Variants in AGBL1 observed in about 807,000 individuals in gnomAD.
AGBL1 encodes the protein AGBL carboxypeptidase 1.
AGBL1 carries 130 observed loss-of-function variants against 118.9 expected under a neutral mutation model. That is an observed-to-expected ratio of 1.09 (90% CI 0.95 to 1.26). AGBL1 has a LOEUF of 1.26. AGBL1 is among the 50% of genes most tolerant of loss of function. AGBL1 has a pLI of 0.00. For missense variants in AGBL1, 1,584 were observed against 1,298.1 expected, an observed-to-expected ratio of 1.22 and a Z score of -3.38; for synonymous variants, 555 against 478.9, an observed-to-expected ratio of 1.16 and a Z score of -2.08.
At chr15:86,491,810 T>C (rs996927047) in intron 18 of AGBL1, among the ~76,000 whole-genome samples, 3 of 151,432 alleles carry the variant, frequency 2.0e-5, no homozygotes, top group Non-Finnish European at 4.4e-5. Context: ...AGAATATATT[T>C]AGTGATGTTA....
In AGBL1 at chr15:86,950,011, G is replaced by A. The variant is rs28786400; in HGVS notation, c.3222-37976G>A. Reference sequence around the variant, plus strand: ...AATAACAAAAAGTAAATTATCAGCCGTTTGGAAACTAAGATATACTTGTAA... The same window carrying A: ...AATAACAAAAAGTAAATTATCAGCCATTTGGAAACTAAGATATACTTGTAA... On this transcript the variant is annotated intron_variant, in intron 23 of 24. Coordinates refer to the AGBL1 transcript ENST00000441037. Among the ~76,000 whole-genome samples, 1,497 of 152,006 alleles carry A rather than the reference G, an allele frequency of 9.8e-3. 27 individuals are homozygous for A. Among genetic ancestry groups the A allele is most frequent in the African/African-American group, 0.035 (1,435 of 41,506 alleles).
chr15:86,396,696 A>G (rs2081370153), intron 17 of AGBL1, among the ~76,000 whole-genome samples: 1 of 152,016 alleles, frequency 6.6e-6, no homozygotes, highest in African/African-American at 2.4e-5. Flanking sequence ...CACATACTGA[A>G]TGGCAGGCAA....
At chr15:86,388,291 A>G (rs2081227180) in intron 17 of AGBL1, among the ~76,000 whole-genome samples, 2 of 152,166 alleles carry the variant, frequency 1.3e-5, no homozygotes, top group South Asian at 4.1e-4. Context: ...TATTAGCACT[A>G]GCATCTGAAT....
chr15:86,685,702 G>A (rs2086041783), intron 22 of AGBL1, among the ~76,000 whole-genome samples: 1 of 152,096 alleles, frequency 6.6e-6, no homozygotes, highest in African/African-American at 2.4e-5. Context: ...GGAGGTTTAT[G>A]ATGCTAAATG....
At chr15:86,388,962 A>G (rs1427524290) in intron 17 of AGBL1, among the ~76,000 whole-genome samples, 4 of 152,214 alleles carry the variant, frequency 2.6e-5, no homozygotes, top group Non-Finnish European at 1.5e-5. Flanking sequence ...TTACTATGTC[A>G]TATATCTACC....
intron 23 of AGBL1, among the ~76,000 whole-genome samples, chr15:86,976,444 A>G (rs2081177464): frequency 6.6e-6 from 1 of 151,938 alleles, no homozygotes. Flanking sequence ...ACCCCAGTTT[A>G]TTTAACTAAA....
intron 17 of AGBL1, among the ~76,000 whole-genome samples, chr15:86,380,412 G>A (rs2081097941): frequency 2.6e-5 from 4 of 151,182 alleles, no homozygotes; most frequent in Admixed American, 2.6e-4. Context: ...AGCCTCCTGA[G>A]TAGCTGGGAT....
chr15:86,608,844 C>T (rs1441774515), intron 21 of AGBL1, among the ~76,000 whole-genome samples: 1 of 152,138 alleles, frequency 6.6e-6, no homozygotes, highest in Non-Finnish European at 1.5e-5. Flanking sequence ...TGAGTTTGGA[C>T]CCTGTGAGCA....
chr15:86,570,856 G>A (rs1027784847), intron 21 of AGBL1, among the ~76,000 whole-genome samples: 1 of 152,108 alleles, frequency 6.6e-6, no homozygotes, highest in Non-Finnish European at 1.5e-5. Flanking sequence ...CCGCTCACTC[G>A]ACCTGGCAGG....
intron 24 of AGBL1, among the ~76,000 whole-genome samples, chr15:86,996,281 C>T (rs935823005): frequency 4.6e-5 from 7 of 152,154 alleles, no homozygotes; most frequent in African/African-American, 1.7e-4. Flanking sequence ...GCAGATTCTT[C>T]CCAGGAATTC....
At chr15:86,541,115 AG>A (rs2083489010) in intron 19 of AGBL1, among the ~76,000 whole-genome samples, 1 of 152,230 alleles carries the variant, frequency 6.6e-6, no homozygotes. Context: ...GTTTATTCAC[AG>A]AGAGAAACTA....
intron 18 of AGBL1, among the ~76,000 whole-genome samples, chr15:86,505,647 T>G (rs1253590611): frequency 6.6e-6 from 1 of 152,020 alleles, no homozygotes. Context: ...ATAGTTTCTA[T>G]TTGCTGAGAC....
intron 21 of AGBL1, among the ~76,000 whole-genome samples, chr15:86,668,651 T>A (rs1056383451): frequency 2.0e-5 from 3 of 152,142 alleles, no homozygotes; most frequent in Admixed American, 6.5e-5. Context: ...TGCCAGAGGT[T>A]GTTGTAAGAC....
chr15:86,592,058 A>G (rs889360529), intron 21 of AGBL1, among the ~76,000 whole-genome samples: 2 of 152,196 alleles, frequency 1.3e-5, no homozygotes, highest in African/African-American at 4.8e-5. Flanking sequence ...ACCTCAATGC[A>G]TCATATCAGG....
chr15:86,966,789 T>C (rs761773836), intron 23 of AGBL1, among the ~76,000 whole-genome samples: 1 of 152,184 alleles, frequency 6.6e-6, no homozygotes, highest in Non-Finnish European at 1.5e-5. Context: ...TAAACATACC[T>C]GTGCATGTGT....
chr15:86,989,973 A>G (rs2081322516), intron 24 of AGBL1, among the ~76,000 whole-genome samples: 1 of 152,218 alleles, frequency 6.6e-6, no homozygotes, highest in African/African-American at 2.4e-5. Flanking sequence ...ACACAGCAGC[A>G]TATCTGACCT....
chr15:86,503,947 A>C (rs1010185067), intron 18 of AGBL1, among the ~76,000 whole-genome samples: 1 of 151,514 alleles, frequency 6.6e-6, no homozygotes, highest in Non-Finnish European at 1.5e-5. Flanking sequence ...TACTTGTTTC[A>C]TATTGTTATG....
rs369759427 is a variant in AGBL1, at chr15:87,021,914, G to A, written c.3324-6911G>A. ...TGCTCCTGCAGGACCCAGGAGACAT[G>A]CCAAATACTCTGCTGGTATTCACGG... On this transcript the variant is annotated intron_variant, in intron 24 of 24. Transcript: ENST00000441037. 2.0e-4 allele frequency among the ~76,000 whole-genome samples: 30 copies of A among 152,224 alleles called. No individual in the cohort carries two copies. In the East Asian group the frequency reaches 3.5e-3, roughly 18 times the overall value.
rs140710447 is a variant in AGBL1 at position 86,718,427 on chromosome 15, T to C, written c.3158+43991T>C. ...AGGAGGGATAGCATTAGGAGGTATA[T>C]CTAATGTAAATGACGAGTTAATGGG... On this transcript the variant is annotated intron_variant, in intron 22 of 22. Coordinates refer to ENST00000614907, the MANE Select transcript of AGBL1 (RefSeq NM_001386094.1). 2.7e-3 allele frequency among the ~76,000 whole-genome samples: 413 copies of C among 152,130 alleles called. 1 individual carries two copies. The highest frequency in any genetic ancestry group is 9.3e-3 in the African/African-American group (387 of 41,500).
Sources: gnomAD v4.1 joint callset for allele counts (sites outside exome capture counted in the v4.1 genomes callset) on GRCh38, gnomAD v4.1.1 for gene constraint, MANE v1.5 for transcripts, NCBI Gene and HGNC (gene_info 2026-07-23, HGNC 2026-07-21) for gene names.